The following TMEM237 variants were observed in gnomAD, a reference collection of about 807,000 sequenced individuals.
The protein encoded by TMEM237 is transmembrane protein 237.
Under a neutral mutation model 59.1 loss-of-function variants are expected in TMEM237, and 51 were observed. The ratio of observed to expected loss-of-function variants is 0.86; its 90% CI spans 0.69 to 1.09. TMEM237 has a LOEUF of 1.09. Among genes scored for constraint, TMEM237 ranks in the 50% least tolerant of loss-of-function variants. TMEM237 has a pLI of 0.00. For missense variants in TMEM237, 475 were observed against 478.3 expected, an observed-to-expected ratio of 0.99 and a Z score of 0.06; for synonymous variants, 140 against 166.1, an observed-to-expected ratio of 0.84 and a Z score of 1.21.
intron 6 of TMEM237, among the ~76,000 whole-genome samples, chr2:201,632,536 C>T (rs1253118311): frequency 6.6e-6 from 1 of 152,154 alleles, no homozygotes; most frequent in Non-Finnish European, 1.5e-5. Flanking sequence ...TAATAATCCC[C>T]ACCTGTCAAG....
At chr2:201,637,849 C>T (rs911589378) in intron 4 of TMEM237, among the ~76,000 whole-genome samples, 4 of 151,930 alleles carry the variant, frequency 2.6e-5, no homozygotes, top group Admixed American at 6.6e-5. Context: ...TTTTCCCCCA[C>T]TAAATTAACA....
intron 9 of TMEM237, 146 bp downstream of exon 9, chr2:201,629,084 A>G (rs1957784612): frequency 3.8e-6 from 2 of 526,680 alleles, no homozygotes; most frequent in Admixed American, 8.0e-5. Flanking sequence ...CCCTCAAAAA[A>G]GAACAGAAGT....
Position 201,643,482 on chromosome 2 carries a change from C to T in TMEM237, c.-82G>A. ...CCCGCGACGCAGCGGCCTCCGGGAC[C>T]TGTGGGACGCCGGGGCTTCGTGGCG... On this transcript the variant is annotated 5_prime_UTR_variant, in exon 1 of 13. Coordinates refer to ENST00000409883, the MANE Select transcript of TMEM237 (RefSeq NM_001044385.3). The surrounding 1 kb of genome is among the most constrained non-coding windows in gnomAD (Gnocchi z 4.3). 3.2e-6 allele frequency: 4 copies of T among 1,240,824 alleles called. No individual in the cohort carries two copies. The highest frequency in any genetic ancestry group is 4.2e-6 in the Non-Finnish European group (4 of 961,572). The allele number at this position is 1,240,824 out of a possible 1,614,324, so 76.9% of individuals were successfully genotyped here. A position where few individuals can be genotyped will look rare whatever the true frequency, so the allele number is the denominator to read the frequency against.
At chr2:201,642,997 C>T in intron 1 of TMEM237, 2 of 1,302,368 alleles carry the variant, frequency 1.5e-6, no homozygotes, top group South Asian at 4.2e-5. Context: ...GAACAGATCT[C>T]TTCTGGGCAG....
intron 2 of TMEM237, 52 bp downstream of exon 2, chr2:201,640,841 T>C: frequency 2.0e-6 from 3 of 1,464,248 alleles, no homozygotes; most frequent in Non-Finnish European, 2.8e-6. Context: ...TCCACTGTCT[T>C]CATTTTCCAT....
chr2:201,636,126 T>C (rs1439651376), intron 5 of TMEM237: 1 of 152,258 alleles, frequency 6.6e-6, no homozygotes, highest in African/African-American at 2.4e-5. Flanking sequence ...CCGTTAAATA[T>C]CTGGGTCATT....
intron 3 of TMEM237, 44 bp downstream of exon 3, chr2:201,640,217 A>G: frequency 1.3e-6 from 2 of 1,514,762 alleles, no homozygotes; most frequent in Middle Eastern, 1.7e-4. Flanking sequence ...GAATCAAACT[A>G]ATTTTTGAAC....
chr2:201,641,265 T>C (rs1244058183), intron 1 of TMEM237, among the ~76,000 whole-genome samples: 1 of 152,170 alleles, frequency 6.6e-6, no homozygotes, highest in Non-Finnish European at 1.5e-5. Flanking sequence ...GTGGTGGGAT[T>C]ATAGGAGTGA....
chr2:201,642,891 A>C (rs1165157623), intron 1 of TMEM237: 1 of 1,340,550 alleles, frequency 7.5e-7, no homozygotes, highest in East Asian at 3.1e-5. Context: ...GTGGCGCTGC[A>C]ATCACAGCTT....
At chr2:201,632,855 T>C (rs540116876) in intron 6 of TMEM237, among the ~76,000 whole-genome samples, 3 of 152,332 alleles carry the variant, frequency 2.0e-5, no homozygotes, top group Admixed American at 6.5e-5. Flanking sequence ...AATAGTGCTA[T>C]ATATATGACT....
intron 1 of TMEM237, chr2:201,642,817 G>T (rs1202470250): frequency 5.2e-6 from 7 of 1,355,310 alleles, no homozygotes; most frequent in Admixed American, 3.9e-5. Flanking sequence ...GTCCAGACTA[G>T]CCCTGCCAAA....
At chr2:201,642,077 C>T (rs1687436290) in intron 1 of TMEM237, among the ~76,000 whole-genome samples, 1 of 152,116 alleles carries the variant, frequency 6.6e-6, no homozygotes, top group Admixed American at 6.5e-5. Context: ...CGTTTTAGGG[C>T]AGAAAGAAAG....
intron 12 of TMEM237, among the ~76,000 whole-genome samples, chr2:201,625,502 T>C (rs531783439): frequency 1.3e-5 from 2 of 152,232 alleles, no homozygotes; most frequent in Non-Finnish European, 2.9e-5. Context: ...ATGATGATTC[T>C]TCTTCAGGTG....
At chr2:201,640,486 C>T (rs1046467368) in intron 2 of TMEM237, among the ~76,000 whole-genome samples, 5 of 152,080 alleles carry the variant, frequency 3.3e-5, no homozygotes, top group African/African-American at 1.2e-4. Context: ...TCAATATTTT[C>T]TGAACCTACA....
intron 1 of TMEM237, among the ~76,000 whole-genome samples, chr2:201,642,095 G>T (rs921331642): frequency 6.6e-6 from 1 of 152,180 alleles, no homozygotes; most frequent in Non-Finnish European, 1.5e-5. Flanking sequence ...AAGGTGGGGG[G>T]AACCCTTCTA....
At chr2:201,625,373 A>T (rs1209090857) in intron 12 of TMEM237, among the ~76,000 whole-genome samples, 2 of 152,126 alleles carry the variant, frequency 1.3e-5, no homozygotes, top group Non-Finnish European at 2.9e-5. Context: ...AAAAATAAAA[A>T]ATAAAAAAAA....
chr2:201,623,484 G>A lies in TMEM237; in HGVS notation c.*771C>T, dbSNP rs540321745. 1.3e-5 allele frequency: 2 copies of A among 157,752 alleles called. No homozygotes were observed. The highest frequency in any genetic ancestry group is 3.6e-4 in the East Asian group (2 of 5,630). The allele number at this position is 157,752 out of a possible 1,614,324, so 9.8% of individuals were successfully genotyped here. ...CTCAGAAAAAAGGGACAGAGGAAAG[G>A]GTACTGCAGATGTCAACTGGGAGCC... On this transcript the variant is annotated 3_prime_UTR_variant, in exon 13 of 13. Coordinates refer to ENST00000409883, the MANE Select transcript of TMEM237 (RefSeq NM_001044385.3).
At chr2:201,637,166 T>G (rs377396565) in intron 4 of TMEM237, among the ~76,000 whole-genome samples, 1 of 152,054 alleles carries the variant, frequency 6.6e-6, no homozygotes, top group Admixed American at 6.5e-5. Context: ...TTCAGAACAT[T>G]TAGAACTTTG....
intron 6 of TMEM237, 156 bp from the exon 7 acceptor site, chr2:201,632,364 C>T (rs1481137106): frequency 3.2e-6 from 1 of 312,240 alleles, no homozygotes; most frequent in Non-Finnish European, 4.7e-6. Context: ...CTATTATGTG[C>T]AGCAAGTTAC....
Sources: allele counts gnomAD v4.1 joint callset (sites outside exome capture counted in the v4.1 genomes callset), GRCh38; gene constraint gnomAD v4.1.1; non-coding constraint Gnocchi (gnomAD v3.1); transcripts MANE v1.5; gene names NCBI Gene and HGNC (gene_info 2026-07-23, HGNC 2026-07-21).